Variants in RARB observed in about 807,000 individuals in gnomAD.
The protein encoded by RARB is retinoic acid receptor beta.
In RARB, 17 loss-of-function variants were observed where a neutral mutation model predicts 51.9. The ratio of observed to expected loss-of-function variants is 0.33; its 90% CI spans 0.22 to 0.49. The LOEUF (loss-of-function observed/expected upper bound fraction) is 0.49, where lower values mean the gene tolerates loss of function less well. RARB is among the 20% of genes least tolerant of loss of function. RARB has a pLI of 0.99. For synonymous variants in RARB, 215 were observed against 195.4 expected, an observed-to-expected ratio of 1.10 and a Z score of -0.84; for missense variants, 369 against 550.8, an observed-to-expected ratio of 0.67 and a Z score of 3.30.
intron 2 of RARB, among the ~76,000 whole-genome samples, chr3:24,942,275 G>T (rs1386480033): frequency 6.6e-6 from 1 of 152,178 alleles, no homozygotes; most frequent in South Asian, 2.1e-4. Flanking sequence ...TAGCTCTGTA[G>T]CTGTGCTCAT....
rs148867299 is a variant in RARB at position 24,959,029 on chromosome 3, C to A, written c.-380+100277C>A. ...GGAGCAAAACTCAATGCAGGCCCCA[C>A]AGTAGCTTCTGGAAAGGGAGTACCA... On this transcript the variant is annotated intron_variant, in intron 2 of 11. Coordinates refer to the RARB transcript ENST00000383772. Among the ~76,000 whole-genome samples the A allele has an allele frequency of 2.6e-5, 4 of 152,314 alleles. No homozygotes were observed. The South Asian group carries it at 8.3e-4, about 32-fold the overall frequency.
chr3:25,210,202 C>T (rs1412876585), intron 5 of RARB, among the ~76,000 whole-genome samples: 2 of 152,162 alleles, frequency 1.3e-5, no homozygotes, highest in East Asian at 1.9e-4. Flanking sequence ...CATGGCCTGT[C>T]CGTTATGGTC....
intron 5 of RARB, among the ~76,000 whole-genome samples, chr3:25,230,660 A>G (rs180873801): frequency 6.6e-6 from 1 of 152,098 alleles, no homozygotes; most frequent in African/African-American, 2.4e-5. Context: ...CCCAGATAGG[A>G]AATATTCTTT....
intron 5 of RARB, among the ~76,000 whole-genome samples, chr3:25,293,597 TAA>T (rs10713675): frequency 0.023 from 1,575 of 68,644 alleles, 75 homozygotes; most frequent in African/African-American, 0.059. Flanking sequence ...TTACTCCATT[TAA>T]AAAAAAAAAA....
intron 5 of RARB, among the ~76,000 whole-genome samples, chr3:25,369,042 G>A (rs995839236): frequency 3.9e-5 from 6 of 152,166 alleles, no homozygotes; most frequent in African/African-American, 1.4e-4. Context: ...TTATATAATT[G>A]TTGTCAGTGG....
At chr3:25,151,786 G>C (rs952353356) in intron 4 of RARB, among the ~76,000 whole-genome samples, 4 of 152,172 alleles carry the variant, frequency 2.6e-5, no homozygotes, top group African/African-American at 9.7e-5. Flanking sequence ...TTTGTTATTA[G>C]ATTGCTTTTC....
At chr3:25,062,009 A>G (rs1698560291) in intron 3 of RARB, among the ~76,000 whole-genome samples, 1 of 151,808 alleles carries the variant, frequency 6.6e-6, no homozygotes, top group Non-Finnish European at 1.5e-5. Flanking sequence ...TCAACTTAAG[A>G]AAATAATAGT....
chr3:25,234,376 CTTAATA>C (rs1314145451), intron 5 of RARB, among the ~76,000 whole-genome samples: 2 of 152,046 alleles, frequency 1.3e-5, no homozygotes, highest in Non-Finnish European at 2.9e-5. Context: ...CTCTTTTATT[CTTAATA>C]TTAGTAAGTT....
chr3:25,259,219 A>G (rs1246125206), intron 5 of RARB, among the ~76,000 whole-genome samples: 2 of 152,116 alleles, frequency 1.3e-5, no homozygotes, highest in Non-Finnish European at 2.9e-5. Flanking sequence ...ACCAATGATT[A>G]GCATTCCCTT....
At chr3:24,843,883 T>C (rs1388564872) in intron 1 of RARB, among the ~76,000 whole-genome samples, 2 of 148,806 alleles carry the variant, frequency 1.3e-5, no homozygotes, top group Admixed American at 1.4e-4. Flanking sequence ...TCTTTTGTTG[T>C]TTTGGTGATT....
chr3:25,267,083 A>G (rs958644516), intron 5 of RARB, among the ~76,000 whole-genome samples: 2 of 152,192 alleles, frequency 1.3e-5, no homozygotes, highest in Non-Finnish European at 2.9e-5. Context: ...TTAGGCATAA[A>G]TATGTAAGAA....
intron 3 of RARB, among the ~76,000 whole-genome samples, chr3:25,078,078 T>A (rs781641983): frequency 2.6e-5 from 4 of 152,186 alleles, no homozygotes; most frequent in Non-Finnish European, 5.9e-5. Context: ...TTTTGAGATA[T>A]AGTTTGCCTA....
At chr3:25,060,138 C>T (rs1366878996) in exon 3 of RARB, 3 of 151,652 alleles carry the variant, frequency 2.0e-5, no homozygotes, top group African/African-American at 4.8e-5. Context: ...AAACAGAGTA[C>T]TGCAGAGATG....
intron 5 of RARB, among the ~76,000 whole-genome samples, chr3:25,263,617 T>C (rs181648965): frequency 2.0e-5 from 3 of 152,286 alleles, no homozygotes; most frequent in Non-Finnish European, 4.4e-5. Flanking sequence ...GCTATGGGCC[T>C]CAAGTGTAAA....
intron 1 of RARB, among the ~76,000 whole-genome samples, chr3:24,848,772 G>A (rs556066269): frequency 2.6e-5 from 4 of 152,188 alleles, no homozygotes; most frequent in Admixed American, 1.3e-4. Flanking sequence ...TTTACTTCAC[G>A]ATGTCCTAGA....
chr3:25,123,472 C>G (rs1032059867), intron 3 of RARB, among the ~76,000 whole-genome samples: 3 of 152,192 alleles, frequency 2.0e-5, no homozygotes, highest in African/African-American at 7.2e-5. Context: ...ACCTTTGTTT[C>G]TTTTCTACAC....
At chr3:25,345,574 A>G (rs2125453813) in intron 5 of RARB, among the ~76,000 whole-genome samples, 1 of 150,954 alleles carries the variant, frequency 6.6e-6, no homozygotes, top group East Asian at 2.0e-4. Flanking sequence ...CTGAGGCAGG[A>G]GAATTGCTTG....
intron 1 of RARB, among the ~76,000 whole-genome samples, chr3:25,440,776 C>G (rs566764832): frequency 5.1e-4 from 77 of 151,238 alleles, no homozygotes; most frequent in South Asian, 2.7e-3. Flanking sequence ...CCGTCCCCCC[C>G]AAAAATAAAA....
Position 25,462,598 on chromosome 3 carries a change from C to T in RARB, c.306+1257C>T, listed in dbSNP as rs569553728. 2.6e-5 allele frequency: 4 copies of T among 152,322 alleles called. No homozygotes were observed. The South Asian group carries it at 8.3e-4, about 32-fold the overall frequency. The allele number at this position is 152,322 out of a possible 1,614,324, so 9.4% of individuals were successfully genotyped here. ...TGGTCAGGCACTGTTGTATAACAAA[C>T]CATCCTAAAACTAAATGGCTTAAGA... On this transcript the variant is annotated intron_variant, in intron 2 of 7. Transcript: ENST00000330688.
Sources: allele counts gnomAD v4.1 joint callset (sites outside exome capture counted in the v4.1 genomes callset), GRCh38; gene constraint gnomAD v4.1.1; transcripts MANE v1.5; gene names NCBI Gene and HGNC (gene_info 2026-07-23, HGNC 2026-07-21).